NKAIN3: variants seen among roughly 807,000 people sequenced by gnomAD.
NKAIN3 encodes the protein sodium/potassium transporting ATPase interacting 3, also known as sodium/potassium-transporting ATPase subunit beta-1-interacting protein 3.
Under a neutral mutation model 30.2 loss-of-function variants are expected in NKAIN3, and 25 were observed. The observed-to-expected ratio is 0.83, with a 90% CI of 0.60 to 1.16. The LOEUF is 1.16. NKAIN3 is among the 50% of genes most tolerant of loss of function. The pLI is 0.00. For missense variants in NKAIN3, 225 were observed against 254.1 expected (o/e 0.89, Z 0.78); for synonymous variants, 91 against 89.6 (o/e 1.02, Z -0.09).
intron 1 of NKAIN3, among the ~76,000 whole-genome samples, chr8:62,465,364 C>A (rs781419724): frequency 1.3e-5 from 2 of 151,944 alleles, no homozygotes; most frequent in African/African-American, 2.4e-5. Context: ...AAAACAAGAA[C>A]GTTAACACAA....
At position 62,276,107 on chromosome 8, in the gene NKAIN3, C is replaced by T. The variant is rs558176775; in HGVS notation, c.54+26980C>T. On this transcript the variant is annotated intron_variant, in intron 1 of 6. Coordinates refer to ENST00000623646, the MANE Select transcript of NKAIN3 (RefSeq NM_001304533.3). ...TTGAGACAGAGTCTCCCTCTGTCAC[C>T]CAGGCTGGAGTGCAGTGGTGCGATC... Among the ~76,000 whole-genome samples the T allele has an allele frequency of 1.8e-4, 27 of 152,126 alleles. No individual in the cohort carries two copies. In the East Asian group the frequency reaches 5.2e-3, roughly 29 times the overall value.
chr8:62,822,966 A>G (rs1410522051), intron 4 of NKAIN3, among the ~76,000 whole-genome samples: 1 of 152,198 alleles, frequency 6.6e-6, no homozygotes, highest in Non-Finnish European at 1.5e-5. Flanking sequence ...GTAATTATGT[A>G]GATATCTAAA....
intron 1 of NKAIN3, among the ~76,000 whole-genome samples, chr8:62,338,816 T>G (rs1815648109): frequency 6.6e-6 from 1 of 151,904 alleles, no homozygotes; most frequent in Non-Finnish European, 1.5e-5. Context: ...ACTGCCTGCT[T>G]TATATTCTAG....
At chr8:62,532,589 G>A (rs116659075) in intron 1 of NKAIN3, among the ~76,000 whole-genome samples, 4,339 of 152,224 alleles carry the variant, frequency 0.029, 212 homozygotes, top group African/African-American at 0.099. Context: ...CTTCATAGTG[G>A]GTTTGTTGGT....
At position 62,966,666 on chromosome 8, in the gene NKAIN3, A is replaced by G. The variant is rs911892418; in HGVS notation, c.*1259A>G. 6.6e-6 allele frequency among the ~76,000 whole-genome samples: 1 copy of G among 152,174 alleles called. No individual in the cohort carries two copies. Among genetic ancestry groups the G allele is most frequent in the Non-Finnish European group, 1.5e-5 (1 of 68,028 alleles). The stretch of plus-strand genomic sequence containing the variant: ...ATTTGGTCTGTTCTCAATATAAAAT[A>G]TATACACTTTTCACATCACTTTTGC... On this transcript the variant is annotated 3_prime_UTR_variant, in exon 7 of 7. Transcript: ENST00000623646.
At chr8:62,788,676 T>G (rs1817603751) in intron 4 of NKAIN3, among the ~76,000 whole-genome samples, 1 of 152,046 alleles carries the variant, frequency 6.6e-6, no homozygotes, top group Non-Finnish European at 1.5e-5. Context: ...AGGTCTAACA[T>G]GTAAGTCTTT....
chr8:62,366,481 CT>C (rs1445378650), intron 1 of NKAIN3, among the ~76,000 whole-genome samples: 1 of 152,194 alleles, frequency 6.6e-6, no homozygotes, highest in Admixed American at 6.5e-5. Flanking sequence ...CTGCCTCAGC[CT>C]CCCAAAGTGC....
chr8:62,602,170 T>G (rs1194355911), intron 3 of NKAIN3, among the ~76,000 whole-genome samples: 1 of 152,096 alleles, frequency 6.6e-6, no homozygotes, highest in African/African-American at 2.4e-5. Context: ...AAATTTGTAT[T>G]GTAATCTTAT....
chr8:62,619,437 CTCTT>C (rs1226260966), intron 3 of NKAIN3, among the ~76,000 whole-genome samples: 4 of 152,184 alleles, frequency 2.6e-5, no homozygotes, highest in South Asian at 4.1e-4. Context: ...TTGATAATAA[CTCTT>C]TCAACCAATT....
At chr8:62,741,656 T>G (rs1056507341) in intron 3 of NKAIN3, among the ~76,000 whole-genome samples, 8 of 152,240 alleles carry the variant, frequency 5.3e-5, no homozygotes, top group African/African-American at 1.9e-4. Flanking sequence ...TGTTACATTT[T>G]CACAATTTAC....
chr8:62,901,471 G>C (rs1276142269), intron 4 of NKAIN3, among the ~76,000 whole-genome samples: 1 of 152,096 alleles, frequency 6.6e-6, no homozygotes, highest in East Asian at 1.9e-4. Context: ...GAGTGAGAAA[G>C]CTGATACTGT....
chr8:62,774,929 G>A (rs1479843078), intron 4 of NKAIN3, among the ~76,000 whole-genome samples: 1 of 152,094 alleles, frequency 6.6e-6, no homozygotes, highest in Non-Finnish European at 1.5e-5. Context: ...GAATGAATTT[G>A]GAAGTATTTC....
At chr8:62,790,577 C>G (rs1039261813) in intron 4 of NKAIN3, among the ~76,000 whole-genome samples, 1 of 70,740 alleles carries the variant, frequency 1.4e-5, no homozygotes, top group African/African-American at 3.3e-5. Context: ...GTCTGTCTGT[C>G]TGTCTGTGTG....
intron 1 of NKAIN3, among the ~76,000 whole-genome samples, chr8:62,352,459 C>T (rs939479497): frequency 2.6e-5 from 4 of 152,100 alleles, no homozygotes; most frequent in Admixed American, 2.6e-4. Context: ...TTCTTTGCCT[C>T]CTTGGGAGTT....
At chr8:62,458,245 T>C (rs2129599284) in intron 1 of NKAIN3, among the ~76,000 whole-genome samples, 1 of 152,288 alleles carries the variant, frequency 6.6e-6, no homozygotes, top group African/African-American at 2.4e-5. Context: ...CCTAGAGCCA[T>C]CTCTACAAAA....
At chr8:62,853,248 T>G (rs1819965523) in intron 4 of NKAIN3, among the ~76,000 whole-genome samples, 1 of 152,204 alleles carries the variant, frequency 6.6e-6, no homozygotes, top group Non-Finnish European at 1.5e-5. Flanking sequence ...TGGTTTAAAG[T>G]CTGTTTTATC....
intron 3 of NKAIN3, among the ~76,000 whole-genome samples, chr8:62,633,070 C>T (rs1333911435): frequency 6.6e-6 from 1 of 151,992 alleles, no homozygotes; most frequent in Non-Finnish European, 1.5e-5. Context: ...AGAGCAGGGC[C>T]TTGGGAGCCT....
At chr8:62,735,362 CTTTCTTTCTTTCTTTCTTTT>C (rs1394537927) in intron 3 of NKAIN3, among the ~76,000 whole-genome samples, 109 of 22,604 alleles carry the variant, frequency 4.8e-3, no homozygotes, top group South Asian at 0.031. Flanking sequence ...TTCTTTCTTT[CTTTCTTTCTTTCTTTCTTTT>C]TTTTTTTTTT....
At chr8:62,381,544 G>A (rs1817277452) in intron 1 of NKAIN3, among the ~76,000 whole-genome samples, 1 of 151,900 alleles carries the variant, frequency 6.6e-6, no homozygotes, top group Admixed American at 6.6e-5. Context: ...ATTAGAACAA[G>A]GCAATTAGGT....
Sources: allele counts gnomAD v4.1 joint callset (sites outside exome capture counted in the v4.1 genomes callset), GRCh38; gene constraint gnomAD v4.1.1; transcripts MANE v1.5; gene names NCBI Gene and HGNC (gene_info 2026-07-23, HGNC 2026-07-21).